Variants in JAK1 observed in about 807,000 individuals in gnomAD.
JAK1 encodes the protein tyrosine-protein kinase JAK1.
Under a neutral mutation model 136.6 loss-of-function variants are expected in JAK1, and 16 were observed. The ratio of observed to expected loss-of-function variants is 0.12; its 90% CI spans 0.08 to 0.18. The LOEUF (loss-of-function observed/expected upper bound fraction) is 0.18. JAK1 is among the 10% of genes least tolerant of loss of function. The pLI, the probability that JAK1 is intolerant of heterozygous loss-of-function variation, is 1.00. For synonymous variants in JAK1, 492 were observed against 519.5 expected (o/e 0.95, Z 0.72); for missense variants, 859 against 1,450.1 (o/e 0.59, Z 6.62).
chr1:64,862,877 C>T (rs1656436852), intron 8 of JAK1, among the ~76,000 whole-genome samples: 1 of 152,226 alleles, frequency 6.6e-6, no homozygotes, highest in Non-Finnish European at 1.5e-5. Flanking sequence ...AGATCCCATG[C>T]CTCTTGATTA....
chr1:64,878,807 A>G (rs1021201260), intron 4 of JAK1, among the ~76,000 whole-genome samples: 1 of 152,070 alleles, frequency 6.6e-6, no homozygotes, highest in African/African-American at 2.4e-5. Context: ...CCTTATCAAG[A>G]TTTCTTTTCT....
chr1:64,976,325 T>A (rs1249578358), intron 2 of JAK1, among the ~76,000 whole-genome samples: 3 of 152,230 alleles, frequency 2.0e-5, no homozygotes, highest in Non-Finnish European at 4.4e-5. Context: ...CATGGACCCA[T>A]GCATTTTGAG....
intron 1 of JAK1, among the ~76,000 whole-genome samples, chr1:64,913,683 G>GGAAGGAAA (rs1553168158): frequency 0.075 from 2,860 of 37,950 alleles, 86 homozygotes; most frequent in Non-Finnish European, 0.096. Flanking sequence ...AAGGAAGGAA[G>GGAAGGAAA]GAAGGAAGGA....
At chr1:65,044,827 G>A (rs1647170353) in intron 1 of JAK1, among the ~76,000 whole-genome samples, 1 of 152,210 alleles carries the variant, frequency 6.6e-6, no homozygotes, top group South Asian at 2.1e-4. Context: ...GTCACCCTTG[G>A]AGACTGTGAT....
chr1:64,889,096 A>G (rs1328183111), intron 1 of JAK1, among the ~76,000 whole-genome samples: 1 of 152,256 alleles, frequency 6.6e-6, no homozygotes, highest in African/African-American at 2.4e-5. Flanking sequence ...TTCTTCTAAA[A>G]TAAACCAGAC....
intron 1 of JAK1, among the ~76,000 whole-genome samples, chr1:64,907,637 T>A (rs1645212510): frequency 6.6e-6 from 1 of 152,108 alleles, no homozygotes; most frequent in South Asian, 2.1e-4. Flanking sequence ...CAAACATGCA[T>A]GGCACAAGTT....
At chr1:65,052,860 T>C (rs1569954839) in intron 1 of JAK1, among the ~76,000 whole-genome samples, 2 of 20,552 alleles carry the variant, frequency 9.7e-5, no homozygotes, top group Admixed American at 6.5e-4. Flanking sequence ...AGACTCCATC[T>C]CAAAAAAAAA....
chr1:64,970,832 G>T (rs1169383512), upstream of JAK1, among the ~76,000 whole-genome samples: 4 of 150,420 alleles, frequency 2.7e-5, no homozygotes, highest in Non-Finnish European at 5.9e-5. Flanking sequence ...TAAAACAAAA[G>T]AATACAAATA....
intron 1 of JAK1, among the ~76,000 whole-genome samples, chr1:64,960,420 A>G (rs569842439): frequency 6.6e-6 from 1 of 152,326 alleles, no homozygotes; most frequent in African/African-American, 2.4e-5. Context: ...CATACAGTGT[A>G]GATCCAGAGC....
At chr1:64,871,901 ACAT>A (rs548737982) in intron 5 of JAK1, among the ~76,000 whole-genome samples, 166 of 152,340 alleles carry the variant, frequency 1.1e-3, no homozygotes, top group Non-Finnish European at 2.0e-3. Context: ...CTTGAAACAT[ACAT>A]AAAATGAAGC....
rs537067023 is a variant in JAK1, at chr1:65,025,879, A to G, written c.-78+18601T>C. Among the ~76,000 whole-genome samples the G allele has an allele frequency of 3.9e-4, 60 of 152,054 alleles. No homozygotes were observed. In the South Asian group the frequency reaches 5.6e-3, roughly 14 times the overall value. ...TTTTTTGTAGAGATGGGGTTTTGCC[A>G]TGTTGCCCAGGCTACTCTTGTACTC... is the stretch of plus-strand genomic sequence containing the variant. On this transcript the variant is annotated intron_variant, in intron 2 of 25. Coordinates refer to the JAK1 transcript ENST00000671954.
chr1:65,017,548 T>C (rs1569885211), intron 2 of JAK1, among the ~76,000 whole-genome samples: 1 of 152,182 alleles, frequency 6.6e-6, no homozygotes, highest in East Asian at 1.9e-4. Context: ...AGATTATCTA[T>C]ATTTCATTCA....
At chr1:64,851,493 A>G (rs923897426) in intron 11 of JAK1, among the ~76,000 whole-genome samples, 8 of 152,364 alleles carry the variant, frequency 5.3e-5, no homozygotes, top group African/African-American at 1.9e-4. Flanking sequence ...CAGGAGACCC[A>G]TAACAGTGCC....
chr1:65,031,155 CAA>C lies in JAK1; in HGVS notation c.-78+13323_-78+13324del, dbSNP rs375856684. The stretch of plus-strand genomic sequence containing the variant: ...GGCAACAGAGTGAGAGACCCTATCT[CAA>C]AAAAAAAAAAAAAAAAAAAGGAAAA... On this transcript the variant is annotated intron_variant, in intron 2 of 25. Coordinates refer to the JAK1 transcript ENST00000671954. Among the ~76,000 whole-genome samples the C allele has an allele frequency of 7.1e-3, 484 of 68,234 alleles. 2 individuals are homozygous for C. Among genetic ancestry groups the C allele is most frequent in the African/African-American group, 0.021 (409 of 19,496 alleles). The allele number at this position is 68,234 out of a possible 152,430, so 44.8% of individuals were successfully genotyped here.
chr1:64,865,265 T>C (rs1242505202), intron 7 of JAK1, among the ~76,000 whole-genome samples: 3 of 152,218 alleles, frequency 2.0e-5, no homozygotes, highest in African/African-American at 7.2e-5. Flanking sequence ...CACTGCTCAC[T>C]AGACATGCAT....
chr1:64,888,993 A>G (rs905032445), intron 1 of JAK1, among the ~76,000 whole-genome samples: 1 of 152,216 alleles, frequency 6.6e-6, no homozygotes, highest in Non-Finnish European at 1.5e-5. Context: ...GATCCACTTT[A>G]TATGAAATGA....
chr1:64,845,419 C>A, intron 15 of JAK1, 94 bp downstream of exon 15: 1 of 1,426,010 alleles, frequency 7.0e-7, no homozygotes, highest in Non-Finnish European at 9.8e-7. Context: ...AGGACAGGCC[C>A]CTCTAGCTGC....
chr1:65,063,812 A>G (rs1249028952), intron 1 of JAK1, among the ~76,000 whole-genome samples: 2 of 151,564 alleles, frequency 1.3e-5, no homozygotes, highest in Admixed American at 6.6e-5. Flanking sequence ...CTCAAAAAAA[A>G]AAAAAAAAAA....
At chr1:64,921,136 T>G (rs1645487229) in intron 1 of JAK1, among the ~76,000 whole-genome samples, 1 of 152,172 alleles carries the variant, frequency 6.6e-6, no homozygotes, top group South Asian at 2.1e-4. Context: ...CTCACACATC[T>G]GAATATGATG....
Sources: allele counts gnomAD v4.1 joint callset (sites outside exome capture counted in the v4.1 genomes callset), GRCh38; gene constraint gnomAD v4.1.1; transcripts MANE v1.5; gene names NCBI Gene and HGNC (gene_info 2026-07-23, HGNC 2026-07-21).